Variants in FCAR observed in about 807,000 individuals in gnomAD.
The protein encoded by FCAR is Fc alpha receptor.
In FCAR, 21 loss-of-function variants were observed where a neutral mutation model predicts 27.1. The observed-to-expected ratio is 0.77, with a 90% CI of 0.55 to 1.11. FCAR has a LOEUF of 1.11. Among genes scored for constraint, FCAR ranks in the 50% most tolerant of loss-of-function variants. The pLI is 0.00. For synonymous variants in FCAR, 134 were observed against 135.8 expected, an observed-to-expected ratio of 0.99 and a Z score of 0.09; for missense variants, 404 against 358.4, an observed-to-expected ratio of 1.13 and a Z score of -1.03.
chr19:54,876,095 T>C (rs1443709802), intron 2 of FCAR, among the ~76,000 whole-genome samples: 3 of 152,240 alleles, frequency 2.0e-5, no homozygotes, highest in African/African-American at 7.2e-5. Flanking sequence ...TTTGCAGTAA[T>C]TGTGAATGGA....
Position 54,875,372 on chromosome 19 carries a change from G to A in FCAR, c.70+7G>A. ...AGGATTCAGGCACAGGAAGGTAAGTGTCCTGTAAATCTCTCCCAGCCCCTT... is the reference window on the plus strand; with the variant it reads ...AGGATTCAGGCACAGGAAGGTAAGTATCCTGTAAATCTCTCCCAGCCCCTT... On this transcript the variant is annotated splice_region_variant and intron_variant, in intron 2 of 4. Transcript: ENST00000355524. 1 of 1,612,214 alleles carries A rather than the reference G, an allele frequency of 6.2e-7. No homozygotes were observed. Among genetic ancestry groups the A allele is most frequent in the Non-Finnish European group, 8.5e-7 (1 of 1,178,542 alleles).
At chr19:54,888,317 C>T (rs79401710) in intron 4 of FCAR, 23 bp downstream of exon 4, 61,586 of 1,612,066 alleles carry the variant, frequency 0.038, 1,364 homozygotes, top group East Asian at 0.088. Context: ...CAGTCCAGCC[C>T]TGTGTCTGGG....
Position 54,874,341 on chromosome 19 carries a change from A to G in FCAR, c.34+18A>G, listed in dbSNP as rs368826120. On this transcript the variant is annotated intron_variant, in intron 1 of 4. Transcript: ENST00000355524. The stretch of plus-strand genomic sequence containing the variant: ...GTGTCTTGGTGAGTTTCAGAGTAAA[A>G]GTGGGTTAGAGGGGAAGATAGAGAA... The G allele has an allele frequency of 2.0e-5, 32 of 1,613,830 alleles. No individual in the cohort carries two copies. The African/African-American group carries it at 3.6e-4, about 18-fold the overall frequency.
At chr19:54,881,362 G>T (rs2066399224) in intron 2 of FCAR, among the ~76,000 whole-genome samples, 1 of 152,150 alleles carries the variant, frequency 6.6e-6, no homozygotes, top group Non-Finnish European at 1.5e-5. Context: ...AGCAAGGCCA[G>T]TACCACCGCA....
intron 2 of FCAR, among the ~76,000 whole-genome samples, chr19:54,884,540 C>G (rs4806609): frequency 0.1 from 15,823 of 151,768 alleles, 915 homozygotes; most frequent in African/African-American, 0.16. Flanking sequence ...GCTGAGGCAG[C>G]AGAATTGCTT....
At chr19:54,881,859 C>T (rs9797555) in intron 2 of FCAR, among the ~76,000 whole-genome samples, 101 of 146,738 alleles carry the variant, frequency 6.9e-4, no homozygotes, top group Admixed American at 3.2e-3. Context: ...GCAGCGTGGG[C>T]GACAGAGCGA....
chr19:54,888,551 T>C (rs1004956203), intron 4 of FCAR: 3 of 1,298,234 alleles, frequency 2.3e-6, no homozygotes, highest in Non-Finnish European at 3.0e-6. Context: ...TTTTATTTAT[T>C]TCATTTTATT....
chr19:54,888,933 T>C (rs1031994683), intron 4 of FCAR: 15 of 984,524 alleles, frequency 1.5e-5, no homozygotes, highest in African/African-American at 1.8e-5. Context: ...CCGGGCGTGG[T>C]GGCGTGAGCC....
chr19:54,877,569 G>T (rs1159763748), intron 2 of FCAR, among the ~76,000 whole-genome samples: 2 of 152,026 alleles, frequency 1.3e-5, no homozygotes, highest in South Asian at 4.1e-4. Context: ...TCTTCTGAAT[G>T]CTTTTTCGTG....
intron 2 of FCAR, among the ~76,000 whole-genome samples, chr19:54,882,458 C>A (rs2066480568): frequency 6.8e-6 from 1 of 146,810 alleles, no homozygotes; most frequent in Non-Finnish European, 1.5e-5. Flanking sequence ...TTTTTTGTGG[C>A]AGAGTCTTAC....
chr19:54,875,300 C>G (rs777731467), intron 1 of FCAR, 30 bp from the exon 2 acceptor site: 2 of 1,609,930 alleles, frequency 1.2e-6, no homozygotes, highest in African/African-American at 2.7e-5. Flanking sequence ...GAAATGGAAG[C>G]TTGATTTTTC....
chr19:54,885,882 C>A (rs192593090), intron 3 of FCAR, among the ~76,000 whole-genome samples: 4 of 152,078 alleles, frequency 2.6e-5, no homozygotes, highest in East Asian at 1.9e-4. Flanking sequence ...GAAGCCGAGG[C>A]GGGTGGATCA....
At chr19:54,877,538 T>C (rs976108127) in intron 2 of FCAR, among the ~76,000 whole-genome samples, 1 of 152,156 alleles carries the variant, frequency 6.6e-6, no homozygotes. Context: ...TTTTCAAAAA[T>C]TCTACTCCTC....
At position 54,889,657 on chromosome 19, in the gene FCAR, C is replaced by T; in HGVS notation, c.658C>T (p.His220Tyr). The T allele has an allele frequency of 6.2e-7, 1 of 1,613,542 alleles. No homozygotes were observed. The highest frequency in any genetic ancestry group is 8.5e-7 in the Non-Finnish European group (1 of 1,179,524). The part of the protein sequence containing the change: ...ALELVVTDSI[H>Y]QDYTTQNLIR... ...TTGAATTGTGTCTCCAGACTCCATC[C>T]ACCAAGATTACACGACGCAGAACTT... Residue 220 changes from histidine (H) to tyrosine (Y), a missense_variant, in exon 5 of 5, where the codon CAC (histidine) becomes TAC (tyrosine). Coordinates refer to ENST00000355524, the MANE Select transcript of FCAR (RefSeq NM_002000.4).
chr19:54,888,163 A>G lies in FCAR; in HGVS notation c.518A>G (p.Glu173Gly). ...ELSLPQHQSG[E>G]HPANFSLGPV... ...TCTCTGCCACAGCACCAAAGTGGGG[A>G]ACACCCGGCCAACTTCTCTTTGGGT... Residue 173 changes from glutamate (E) to glycine (G), a missense_variant, in exon 4 of 5, where the codon GAA becomes GGA. Glu to Gly is a moderately conservative substitution (Grantham distance 98, BLOSUM62 -2). Coordinates refer to ENST00000355524, the MANE Select transcript of FCAR (RefSeq NM_002000.4). The G allele has an allele frequency of 6.2e-7, 1 of 1,614,146 alleles. No homozygotes were observed. The highest frequency in any genetic ancestry group is 8.5e-7 in the Non-Finnish European group (1 of 1,180,028).
chr19:54,878,407 G>A (rs138077357), intron 2 of FCAR, among the ~76,000 whole-genome samples: 63 of 152,168 alleles, frequency 4.1e-4, no homozygotes, highest in Non-Finnish European at 6.6e-4. Flanking sequence ...TACTGTCGGC[G>A]GGATGTTAAA....
Position 54,885,366 on chromosome 19 carries a change from T to C in FCAR, c.202T>C (p.Tyr68His). ...TQLMIIKNST[Y>H]REIGRRLKFW... Reference sequence around the variant, plus strand: ...GCTGATGATCATAAAAAACTCCACGTACCGAGAGATAGGCAGAAGACTGAA... The same window carrying C: ...GCTGATGATCATAAAAAACTCCACGCACCGAGAGATAGGCAGAAGACTGAA... The change falls in exon 3 of 5, where the codon TAC becomes CAC. Residue 68 changes from tyrosine to histidine, a missense_variant. Tyr to His is a moderately conservative substitution (Grantham distance 83). Coordinates refer to ENST00000355524, the MANE Select transcript of FCAR (RefSeq NM_002000.4). The C allele has an allele frequency of 6.2e-7, 1 of 1,614,116 alleles. No individual in the cohort carries two copies. The highest frequency in any genetic ancestry group is 8.5e-7 in the Non-Finnish European group (1 of 1,180,020).
At chr19:54,886,306 T>A (rs1439343088) in intron 3 of FCAR, among the ~76,000 whole-genome samples, 22 of 135,514 alleles carry the variant, frequency 1.6e-4, no homozygotes, top group Middle Eastern at 3.5e-3. Context: ...TCTTTATTTT[T>A]TTTTTTTTTT....
intron 1 of FCAR, among the ~76,000 whole-genome samples, chr19:54,874,688 G>A (rs2065993248): frequency 2.0e-5 from 3 of 148,470 alleles, no homozygotes; most frequent in Admixed American, 6.6e-5. Context: ...ACCCCATATA[G>A]AAATATGGTT....
Sources: allele counts gnomAD v4.1 joint callset (sites outside exome capture counted in the v4.1 genomes callset), GRCh38; gene constraint gnomAD v4.1.1; transcripts MANE v1.5; gene names NCBI Gene and HGNC (gene_info 2026-07-23, HGNC 2026-07-21).